CAMTA1: variants seen among roughly 807,000 people sequenced by gnomAD.
CAMTA1 encodes calmodulin-binding transcription activator 1.
Under a neutral mutation model 170.9 loss-of-function variants are expected in CAMTA1, and 27 were observed. The ratio of observed to expected loss-of-function variants is 0.16; its 90% CI spans 0.12 to 0.22. CAMTA1 has a LOEUF of 0.22. Ranked by LOEUF, CAMTA1 falls within the 10% of genes least tolerant of loss-of-function variation. The pLI, the probability that CAMTA1 is intolerant of heterozygous loss-of-function variation, is 1.00. For missense variants in CAMTA1, 1,619 were observed against 2,217.2 expected, an observed-to-expected ratio of 0.73 and a Z score of 5.42; for synonymous variants, 833 against 891.5, an observed-to-expected ratio of 0.93 and a Z score of 1.17.
intron 5 of CAMTA1, among the ~76,000 whole-genome samples, chr1:7,279,175 A>ATG (rs1671155370): frequency 6.6e-6 from 1 of 152,142 alleles, no homozygotes; most frequent in East Asian, 1.9e-4. Flanking sequence ...AGTGTTTGGA[A>ATG]TGTAACCTGA....
intron 3 of CAMTA1, among the ~76,000 whole-genome samples, chr1:6,832,347 G>T (rs1473942756): frequency 6.6e-6 from 1 of 152,058 alleles, no homozygotes; most frequent in East Asian, 1.9e-4. Flanking sequence ...AAAGTGCTGG[G>T]ATTACAGGTG....
chr1:7,083,746 T>A (rs1210343757), intron 3 of CAMTA1, among the ~76,000 whole-genome samples: 4 of 152,182 alleles, frequency 2.6e-5, no homozygotes, highest in African/African-American at 9.7e-5. Flanking sequence ...ACCGTAAACA[T>A]ATTGGTTAGA....
chr1:7,484,327 G>A (rs553957744), intron 6 of CAMTA1, among the ~76,000 whole-genome samples: 4 of 152,322 alleles, frequency 2.6e-5, no homozygotes, highest in African/African-American at 9.6e-5. Flanking sequence ...TGATGCAGCC[G>A]CAAGGTCAGG....
At position 7,007,463 on chromosome 1, in the gene CAMTA1, G is replaced by A. The variant is rs184935750; in HGVS notation, c.235-83841G>A. ...AATGTCACACCCAGGTCCTTCCCTC[G>A]CCTCGAGAACCCCAAGCGAATTCCC... On this transcript the variant is annotated intron_variant, in intron 3 of 22. Transcript: ENST00000303635. The surrounding 1 kb of genome is among the most constrained non-coding windows in gnomAD (Gnocchi z 4.5). 3.3e-5 allele frequency among the ~76,000 whole-genome samples: 5 copies of A among 152,196 alleles called. No individual in the cohort carries two copies. Among genetic ancestry groups the A allele is most frequent in the Non-Finnish European group, 4.4e-5 (3 of 68,004 alleles).
intron 6 of CAMTA1, among the ~76,000 whole-genome samples, chr1:7,611,606 G>A (rs2095524200): frequency 6.6e-6 from 1 of 152,336 alleles, no homozygotes; most frequent in South Asian, 2.1e-4. Flanking sequence ...TGGGCTGCTG[G>A]GGGGCCAAGC....
chr1:7,422,983 T>C (rs1281425454), intron 5 of CAMTA1, among the ~76,000 whole-genome samples: 1 of 152,034 alleles, frequency 6.6e-6, no homozygotes, highest in Non-Finnish European at 1.5e-5. Flanking sequence ...CATAGATTAA[T>C]GGCAGTGCCA....
Position 6,814,869 on chromosome 1 carries a change from A to G in CAMTA1, c.46-5312A>G, listed in dbSNP as rs189114919. Among the ~76,000 whole-genome samples, 3 of 152,282 alleles carry G rather than the reference A, an allele frequency of 2.0e-5. No homozygotes were observed. In the East Asian group the frequency reaches 5.8e-4, roughly 29 times the overall value. ...CCAAAGCCTGTAATCACTTCTTACT[A>G]TATAGCATCTTGTTTCATTAATCCA... is the stretch of plus-strand genomic sequence containing the variant. On this transcript the variant is annotated intron_variant, in intron 1 of 22. Transcript: ENST00000303635.
At chr1:6,793,466 A>G (rs1316736752) in intron 1 of CAMTA1, among the ~76,000 whole-genome samples, 1 of 152,206 alleles carries the variant, frequency 6.6e-6, no homozygotes, top group Non-Finnish European at 1.5e-5. Context: ...TGTGTTCAAC[A>G]TGTCTAAGAG....
intron 5 of CAMTA1, among the ~76,000 whole-genome samples, chr1:7,404,277 T>A (rs1280538913): frequency 6.6e-6 from 1 of 152,206 alleles, no homozygotes; most frequent in Non-Finnish European, 1.5e-5. Flanking sequence ...TCCCGGAAGA[T>A]GCCTTTGTAC....
rs34493681 is a variant in CAMTA1, at chr1:7,234,788, C to CTTT, written c.303-14688_303-14686dup. The stretch of plus-strand genomic sequence containing the variant: ...GGGAAATTGGAAAATACAAGTTGAC[C>CTTT]TTTTTTTTTTTTTTTTTAGATAGAG... On this transcript the variant is annotated intron_variant, in intron 4 of 22. Coordinates refer to ENST00000303635, the MANE Select transcript of CAMTA1 (RefSeq NM_015215.4). The surrounding 1 kb of genome is among the most constrained non-coding windows in gnomAD (Gnocchi z 5.0). Among the ~76,000 whole-genome samples, 27 of 136,382 alleles carry CTTT rather than the reference C, an allele frequency of 2.0e-4. No homozygotes were observed. The highest frequency in any genetic ancestry group is 5.5e-4 in the African/African-American group (20 of 36,174). 89.5% of individuals were successfully genotyped at this position (136,382 alleles called of 152,430 possible).
intron 16 of CAMTA1, among the ~76,000 whole-genome samples, chr1:7,741,295 G>A (rs1187291130): frequency 6.6e-6 from 1 of 152,140 alleles, no homozygotes; most frequent in African/African-American, 2.4e-5. Flanking sequence ...CGGGCGCGGT[G>A]GCTCACACCT....
chr1:6,990,803 C>CTATA (rs552350671), intron 3 of CAMTA1, among the ~76,000 whole-genome samples: 122 of 129,646 alleles, frequency 9.4e-4, no homozygotes, highest in Admixed American at 4.6e-3. Context: ...CTCTCTCTCT[C>CTATA]TCTATATATA....
intron 6 of CAMTA1, among the ~76,000 whole-genome samples, chr1:7,568,460 C>T (rs2095074439): frequency 1.3e-5 from 2 of 151,180 alleles, no homozygotes; most frequent in Non-Finnish European, 2.9e-5. Context: ...ACATCACCAT[C>T]ACCACCAACA....
intron 4 of CAMTA1, among the ~76,000 whole-genome samples, chr1:7,120,141 T>C (rs1163996428): frequency 1.3e-5 from 2 of 152,236 alleles, no homozygotes; most frequent in Non-Finnish European, 2.9e-5. Flanking sequence ...GTGTTAGTTA[T>C]CTGTTCCTCT....
intron 4 of CAMTA1, among the ~76,000 whole-genome samples, chr1:7,170,178 T>C (rs1433975654): frequency 1.3e-5 from 2 of 152,234 alleles, no homozygotes; most frequent in Non-Finnish European, 2.9e-5. Flanking sequence ...CCTTTCTAAA[T>C]ATGTTTTAGC....
At position 7,673,380 on chromosome 1, in the gene CAMTA1, A is replaced by T. The variant is rs995606576; in HGVS notation, c.2779+2343A>T. The stretch of plus-strand genomic sequence containing the variant: ...CAGGGCGAGAGCAGTGAGTGAGAGG[A>T]GGTGTGTGAAGCACCTGGCCCAGTG... On this transcript the variant is annotated intron_variant, in intron 10 of 22. Transcript: ENST00000303635. This position sits in a 1 kb window ranked among gnomAD's most constrained non-coding sequence, Gnocchi z 4.6. 6.6e-6 allele frequency among the ~76,000 whole-genome samples: 1 copy of T among 152,178 alleles called. No homozygotes were observed. The highest frequency in any genetic ancestry group is 1.5e-5 in the Non-Finnish European group (1 of 68,016).
At chr1:7,186,525 A>T (rs1653306584) in intron 4 of CAMTA1, among the ~76,000 whole-genome samples, 1 of 152,110 alleles carries the variant, frequency 6.6e-6, no homozygotes, top group African/African-American at 2.4e-5. Context: ...GACAGATGGC[A>T]GCCTCCTTTA....
intron 5 of CAMTA1, among the ~76,000 whole-genome samples, chr1:7,290,333 C>G (rs1253671970): frequency 6.6e-6 from 1 of 152,202 alleles, no homozygotes; most frequent in Non-Finnish European, 1.5e-5. Context: ...ACCATGTTCT[C>G]TTTCCTTACG....
chr1:6,889,436 G>A (rs529663686), intron 3 of CAMTA1, among the ~76,000 whole-genome samples: 2 of 152,302 alleles, frequency 1.3e-5, no homozygotes, highest in African/African-American at 4.8e-5. Flanking sequence ...ATGCAAGGTC[G>A]AACTAACTTT....
Sources: allele counts gnomAD v4.1 joint callset (sites outside exome capture counted in the v4.1 genomes callset), GRCh38; gene constraint gnomAD v4.1.1; non-coding constraint Gnocchi (gnomAD v3.1); transcripts MANE v1.5; gene names NCBI Gene and HGNC (gene_info 2026-07-23, HGNC 2026-07-21).